The following SIK3 variants were observed in gnomAD, a reference collection of about 807,000 sequenced individuals.
SIK3 encodes SIK family kinase 3.
Under a neutral mutation model 144.2 loss-of-function variants are expected in SIK3, and 28 were observed. That is an observed-to-expected ratio of 0.19 (90% CI 0.14 to 0.27). SIK3 has a LOEUF of 0.27. SIK3 is among the 10% of genes least tolerant of loss of function. The pLI, the probability that SIK3 is intolerant of heterozygous loss-of-function variation, is 1.00. For synonymous variants in SIK3, 686 were observed against 676.3 expected, an observed-to-expected ratio of 1.01 and a Z score of -0.22; for missense variants, 1,319 against 1,776.0, an observed-to-expected ratio of 0.74 and a Z score of 4.62.
intron 1 of SIK3, among the ~76,000 whole-genome samples, chr11:117,026,762 T>C (rs1263730800): frequency 2.0e-5 from 3 of 152,216 alleles, no homozygotes; most frequent in Non-Finnish European, 4.4e-5. Flanking sequence ...GCTGGCAATT[T>C]AGTGCTCTAG....
intron 8 of SIK3, 41 bp downstream of exon 8, chr11:116,876,212 A>G: frequency 6.4e-7 from 1 of 1,564,582 alleles, no homozygotes. Context: ...GGTTAGAGGA[A>G]CTGCTACATC....
intron 21 of SIK3, among the ~76,000 whole-genome samples, chr11:116,856,196 C>CAAA (rs780021390): frequency 3.5e-5 from 4 of 115,642 alleles, no homozygotes; most frequent in Non-Finnish European, 4.9e-5. Flanking sequence ...GACTCCGTCT[C>CAAA]AAAAAAAAAA....
chr11:116,875,998 T>C lies in SIK3; in HGVS notation c.1107A>G (p.Ser369=). The change falls in exon 9 of 25, where the codon TCA becomes TCG. Residue 369 remains serine (S), a synonymous_variant. Coordinates refer to ENST00000445177, the MANE Select transcript of SIK3 (RefSeq NM_001366686.3). ...TTGCACTATAGTGATCATAGGCATCTGATCTTAATGACTACCAAGAGAGAA... is the reference window on the plus strand; with the variant it reads ...TTGCACTATAGTGATCATAGGCATCCGATCTTAATGACTACCAAGAGAGAA... ...DKEQTLQSLR[S]DAYDHYSAIY... 1.2e-6 allele frequency: 2 copies of C among 1,613,460 alleles called. No homozygotes were observed. The highest frequency in any genetic ancestry group is 1.7e-6 in the Non-Finnish European group (2 of 1,179,874).
chr11:116,858,288 T>TTGCTGCTGTTGCTGCTGC lies in SIK3; in HGVS notation c.3159_3176dup (p.Gln1056_Gln1061dup), dbSNP rs1555069292. The TTGCTGCTGTTGCTGCTGC allele has an allele frequency of 6.8e-6, 11 of 1,610,772 alleles. No individual in the cohort carries two copies. In the South Asian group the frequency reaches 1.2e-4, roughly 18 times the overall value. On this transcript the variant is annotated inframe_insertion, in exon 21 of 25. Transcript: ENST00000445177. This position sits in a 1 kb window ranked among gnomAD's most constrained non-coding sequence, Gnocchi z 5.4. ...TGAACAGTTCCTGGTATTCTTGCTG[T>TTGCTGCTGTTGCTGCTGC]TGCTGCTGTTGCTGCTGCTGCTGCC...
At chr11:116,936,036 A>C (rs1947898758) in intron 3 of SIK3, among the ~76,000 whole-genome samples, 1 of 152,204 alleles carries the variant, frequency 6.6e-6, no homozygotes, top group African/African-American at 2.4e-5. Context: ...GCACACTGGG[A>C]GGCCAAGAAG....
intron 4 of SIK3, among the ~76,000 whole-genome samples, chr11:116,915,595 G>A (rs1946590952): frequency 6.6e-6 from 1 of 152,082 alleles, no homozygotes; most frequent in Non-Finnish European, 1.5e-5. Flanking sequence ...GGATATGTGT[G>A]TAAAAAATGT....
intron 6 of SIK3, among the ~76,000 whole-genome samples, chr11:116,883,183 A>G (rs956177318): frequency 1.3e-5 from 2 of 152,226 alleles, no homozygotes; most frequent in African/African-American, 4.8e-5. Context: ...GGCTTTGATA[A>G]GAGTCTATCC....
chr11:116,947,217 ATAT>A (rs1948681654), intron 3 of SIK3, among the ~76,000 whole-genome samples: 2 of 119,142 alleles, frequency 1.7e-5, no homozygotes, highest in African/African-American at 6.8e-5. Flanking sequence ...TTTATATACA[ATAT>A]ATAATTATTT....
At chr11:117,020,307 C>G (rs1951720832) in intron 1 of SIK3, among the ~76,000 whole-genome samples, 1 of 144,440 alleles carries the variant, frequency 6.9e-6, no homozygotes, top group South Asian at 2.2e-4. Context: ...TTGTAATTTC[C>G]TAAGTGACTT....
At chr11:117,082,744 G>T (rs1244858261) in intron 1 of SIK3, among the ~76,000 whole-genome samples, 1 of 152,060 alleles carries the variant, frequency 6.6e-6, no homozygotes. Context: ...AAAAAAATTG[G>T]GTGAACTGTA....
At chr11:117,064,471 A>G (rs1030811479) in intron 1 of SIK3, among the ~76,000 whole-genome samples, 12 of 152,232 alleles carry the variant, frequency 7.9e-5, no homozygotes, top group African/African-American at 2.9e-4. Context: ...ACTCATCTAA[A>G]AAACATTTTA....
intron 4 of SIK3, among the ~76,000 whole-genome samples, chr11:116,920,584 C>T (rs1453651240): frequency 2.0e-5 from 3 of 152,196 alleles, no homozygotes; most frequent in Non-Finnish European, 2.9e-5. Context: ...GCTGTACCCC[C>T]GTGCCTGTAT....
chr11:116,995,920 T>G (rs773973554), intron 1 of SIK3, among the ~76,000 whole-genome samples: 1 of 152,114 alleles, frequency 6.6e-6, no homozygotes, highest in African/African-American at 2.4e-5. Flanking sequence ...AAGGCTGAGA[T>G]GGGAGAATCA....
intron 3 of SIK3, among the ~76,000 whole-genome samples, chr11:116,930,601 T>C (rs772334203): frequency 6.6e-6 from 1 of 152,190 alleles, no homozygotes; most frequent in African/African-American, 2.4e-5. Flanking sequence ...AAAATGTACG[T>C]TGAACCTTGT....
At chr11:116,873,674 GA>G (rs1565392634) in intron 12 of SIK3, 38 bp from the exon 13 acceptor site, 6 of 1,521,896 alleles carry the variant, frequency 3.9e-6, no homozygotes, top group Non-Finnish European at 5.3e-6. Flanking sequence ...ACCATGAGAT[GA>G]GGGGAAGGCG....
chr11:116,917,687 C>A (rs774605145), intron 4 of SIK3, among the ~76,000 whole-genome samples: 1 of 146,070 alleles, frequency 6.8e-6, no homozygotes, highest in African/African-American at 2.6e-5. Context: ...CCAGTCTGAG[C>A]GACAGGAAGG....
At chr11:117,025,730 C>A (rs909478387) in intron 1 of SIK3, among the ~76,000 whole-genome samples, 1 of 152,086 alleles carries the variant, frequency 6.6e-6, no homozygotes, top group African/African-American at 2.4e-5. Flanking sequence ...CCACACCCAG[C>A]CTATACTTTC....
intron 1 of SIK3, among the ~76,000 whole-genome samples, chr11:117,024,016 T>C (rs909822453): frequency 6.6e-6 from 1 of 152,048 alleles, no homozygotes; most frequent in Non-Finnish European, 1.5e-5. Flanking sequence ...ATCTGCTCTG[T>C]AGGCCCAAAA....
intron 1 of SIK3, among the ~76,000 whole-genome samples, chr11:117,042,050 T>C: frequency 6.6e-6 from 1 of 152,178 alleles, no homozygotes. Flanking sequence ...CCCAGCTCCC[T>C]GCTCAAATTA....
Sources: gnomAD v4.1 joint callset for allele counts (sites outside exome capture counted in the v4.1 genomes callset) on GRCh38, gnomAD v4.1.1 for gene constraint, Gnocchi (gnomAD v3.1) non-coding constraint, MANE v1.5 for transcripts, NCBI Gene and HGNC (gene_info 2026-07-23, HGNC 2026-07-21) for gene names.